The following TMEM132C variants were observed in gnomAD, a reference collection of about 807,000 sequenced individuals.
TMEM132C encodes the protein transmembrane protein 132C, also known as protein phosphatase 1, regulatory subunit 152.
A neutral mutation model predicts 61.4 loss-of-function variants in TMEM132C; 29 were observed. The observed-to-expected ratio is 0.47, with a 90% CI of 0.35 to 0.64. The LOEUF is 0.64. TMEM132C is among the 30% of genes least tolerant of loss of function. The pLI is 0.00. For synonymous variants in TMEM132C, 656 were observed against 633.1 expected, an observed-to-expected ratio of 1.04 and a Z score of -0.54; for missense variants, 1,408 against 1,476.9, an observed-to-expected ratio of 0.95 and a Z score of 0.76.
At chr12:128,277,254 A>G (rs993801419) in intron 1 of TMEM132C, among the ~76,000 whole-genome samples, 4 of 152,218 alleles carry the variant, frequency 2.6e-5, no homozygotes, top group Non-Finnish European at 4.4e-5. Context: ...CAAAGTCCAG[A>G]TAGACTTCAG....
chr12:128,267,766 G>A (rs1333078394), intron 1 of TMEM132C, among the ~76,000 whole-genome samples: 1 of 152,186 alleles, frequency 6.6e-6, no homozygotes, highest in East Asian at 1.9e-4. Flanking sequence ...AGGAGGGGGC[G>A]TGGCTGAGGG....
intron 3 of TMEM132C, among the ~76,000 whole-genome samples, chr12:128,561,070 T>C (rs1874500346): frequency 6.6e-6 from 1 of 152,230 alleles, no homozygotes; most frequent in African/African-American, 2.4e-5. Context: ...GCCCCATGGC[T>C]TCTTTCCTTC....
chr12:128,400,640 G>A (rs999959106), intron 1 of TMEM132C, among the ~76,000 whole-genome samples: 3 of 148,178 alleles, frequency 2.0e-5, no homozygotes, highest in Non-Finnish European at 3.0e-5. Context: ...ATGGAGTCTC[G>A]CTCTGTTGCC....
chr12:128,700,446 T>C (rs1413452365), intron 8 of TMEM132C, among the ~76,000 whole-genome samples: 1 of 152,178 alleles, frequency 6.6e-6, no homozygotes, highest in Non-Finnish European at 1.5e-5. Flanking sequence ...GTTCTGAGGC[T>C]TTAATTCCGA....
intron 3 of TMEM132C, among the ~76,000 whole-genome samples, chr12:128,574,606 C>T (rs774364816): frequency 6.6e-6 from 1 of 152,194 alleles, no homozygotes; most frequent in African/African-American, 2.4e-5. Flanking sequence ...CCAGTGGCCC[C>T]CTTCTGGAGG....
chr12:128,566,843 G>C (rs1874721401), intron 3 of TMEM132C, among the ~76,000 whole-genome samples: 1 of 152,148 alleles, frequency 6.6e-6, no homozygotes, highest in East Asian at 1.9e-4. Context: ...TCTATGTCTA[G>C]GTTTCCTCGT....
chr12:128,300,262 TC>T lies in TMEM132C; in HGVS notation c.85+32776del, dbSNP rs140930283. Among the ~76,000 whole-genome samples the T allele has an allele frequency of 1.1e-3, 165 of 152,276 alleles. 2 individuals carry two copies. In the East Asian group the frequency reaches 0.032, roughly 29 times the overall value. On this transcript the variant is annotated intron_variant, in intron 1 of 8. Transcript: ENST00000435159. ...TGAAAGACTGGGAGAAGTCCTCTGTTCTTCCTCCTGGGGTTATTGCTGGCAA... is the reference window on the plus strand; with the variant it reads ...TGAAAGACTGGGAGAAGTCCTCTGTTTTCCTCCTGGGGTTATTGCTGGCAA...
intron 3 of TMEM132C, among the ~76,000 whole-genome samples, chr12:128,605,555 A>T (rs1373914593): frequency 6.6e-6 from 1 of 152,150 alleles, no homozygotes; most frequent in Non-Finnish European, 1.5e-5. Flanking sequence ...TAATGCATAA[A>T]ATTAACCCTC....
At position 128,705,952 on chromosome 12, in the gene TMEM132C, C is replaced by T. The variant is rs1312486461; in HGVS notation, c.2984C>T (p.Thr995Ile). The change falls in exon 9 of 9, where the codon ACC becomes ATC. Residue 995 changes from threonine (T) to isoleucine (I), a missense_variant. Physicochemically the swap from Thr to Ile is moderately conservative, Grantham distance 89 (BLOSUM62 -1). Coordinates refer to ENST00000435159, the MANE Select transcript of TMEM132C (RefSeq NM_001136103.3). The part of the protein sequence containing the change: ...GDAPPPQDEH[T>I]TIIDRGPGAC... The stretch of plus-strand genomic sequence containing the variant: ...GCGCCGCCGCCCCAGGACGAGCACA[C>T]CACCATCATAGACCGCGGACCGGGG... 6.4e-7 allele frequency: 1 copy of T among 1,551,520 alleles called. No individual in the cohort carries two copies. The highest frequency in any genetic ancestry group is 8.7e-7 in the Non-Finnish European group (1 of 1,146,948).
intron 4 of TMEM132C, among the ~76,000 whole-genome samples, chr12:128,650,970 C>T (rs994461663): frequency 6.6e-5 from 10 of 152,276 alleles, no homozygotes; most frequent in South Asian, 4.1e-4. Flanking sequence ...AGAGGGTCCA[C>T]GTAGACCACA....
intron 5 of TMEM132C, among the ~76,000 whole-genome samples, chr12:128,692,552 C>A (rs1954727742): frequency 6.6e-6 from 1 of 152,160 alleles, no homozygotes; most frequent in Non-Finnish European, 1.5e-5. Flanking sequence ...AACAGAATAC[C>A]AGTCTAATTT....
intron 2 of TMEM132C, among the ~76,000 whole-genome samples, chr12:128,537,326 C>G (rs1873567411): frequency 6.6e-6 from 1 of 152,118 alleles, no homozygotes; most frequent in African/African-American, 2.4e-5. Context: ...GCAAGTCTTT[C>G]CAAATGGCTG....
chr12:128,530,675 C>A (rs1225032421), intron 2 of TMEM132C, among the ~76,000 whole-genome samples: 2 of 152,150 alleles, frequency 1.3e-5, no homozygotes, highest in East Asian at 1.9e-4. Context: ...GAACTAATGA[C>A]CTCGTGATCC....
chr12:128,394,700 A>G (rs1248251250), intron 1 of TMEM132C, among the ~76,000 whole-genome samples: 1 of 152,146 alleles, frequency 6.6e-6, no homozygotes, highest in African/African-American at 2.4e-5. Flanking sequence ...GCAAAGAACA[A>G]GTAGGGAAAA....
rs1259981616 is a variant in TMEM132C, at chr12:128,326,836, CA to C, written c.85+59350del. Among the ~76,000 whole-genome samples the C allele has an allele frequency of 6.7e-6, 1 of 149,792 alleles. No individual in the cohort carries two copies. The highest frequency in any genetic ancestry group is 1.9e-4 in the East Asian group (1 of 5,168). On this transcript the variant is annotated intron_variant, in intron 1 of 8. Coordinates refer to ENST00000435159, the MANE Select transcript of TMEM132C (RefSeq NM_001136103.3). The surrounding 1 kb of genome is among the most constrained non-coding windows in gnomAD (Gnocchi z 5.6). ...CTTAACAACGTAGTAAAACAGCACT[CA>C]GGAATTAATTGTATTTTTAATAAAG...
intron 3 of TMEM132C, among the ~76,000 whole-genome samples, chr12:128,611,234 A>G (rs1466642): frequency 0.026 from 3,902 of 152,128 alleles, 323 homozygotes; most frequent in East Asian, 0.21. Context: ...GATTCCTGAC[A>G]TGTGTGTGCT....
At chr12:128,616,054 ATG>A in intron 3 of TMEM132C, 96 bp from the exon 4 acceptor site, 1 of 1,385,834 alleles carries the variant, frequency 7.2e-7, no homozygotes, top group South Asian at 1.5e-5. Flanking sequence ...CATCCCTGAG[ATG>A]TGTTTCTTTG....
At chr12:128,462,610 G>C (rs1319134581) in intron 2 of TMEM132C, among the ~76,000 whole-genome samples, 1 of 152,170 alleles carries the variant, frequency 6.6e-6, no homozygotes, top group Admixed American at 6.5e-5. Context: ...TCTTCCTCCT[G>C]AAGGAAAGCC....
At chr12:128,470,263 C>T (rs1002613074) in intron 2 of TMEM132C, among the ~76,000 whole-genome samples, 1 of 152,168 alleles carries the variant, frequency 6.6e-6, no homozygotes, top group Non-Finnish European at 1.5e-5. Flanking sequence ...TCCTGTCTTG[C>T]TTATGATGGA....
Sources: allele counts gnomAD v4.1 joint callset (sites outside exome capture counted in the v4.1 genomes callset), GRCh38; gene constraint gnomAD v4.1.1; non-coding constraint Gnocchi (gnomAD v3.1); transcripts MANE v1.5; gene names NCBI Gene and HGNC (gene_info 2026-07-23, HGNC 2026-07-21).